Variants in PTGS1 observed in about 807,000 individuals in gnomAD.
The protein encoded by PTGS1 is prostaglandin G/H synthase 1.
A neutral mutation model predicts 63.0 loss-of-function variants in PTGS1; 40 were observed. That is an observed-to-expected ratio of 0.63 (90% CI 0.49 to 0.83). The LOEUF is 0.83. Ranked by LOEUF, PTGS1 falls within the 40% of genes least tolerant of loss-of-function variation. The pLI is 0.00. For synonymous variants in PTGS1, 298 were observed against 301.9 expected, an observed-to-expected ratio of 0.99 and a Z score of 0.13; for missense variants, 709 against 786.5, an observed-to-expected ratio of 0.90 and a Z score of 1.18.
chr9:122,394,966 C>T lies in PTGS1; in HGVS notation c.*2422C>T, dbSNP rs1411873422. ...TGAGTGACACAAGCACTTTAATGGC[C>T]TGGAGGGACTTTTAATCAGTGAAGA... On this transcript the variant is annotated 3_prime_UTR_variant, in exon 11 of 11. Coordinates refer to ENST00000362012, the MANE Select transcript of PTGS1 (RefSeq NM_000962.4). 1 of 152,136 alleles carries T rather than the reference C, an allele frequency of 6.6e-6. No individual in the cohort carries two copies. Among genetic ancestry groups the T allele is most frequent in the East Asian group, 1.9e-4 (1 of 5,182 alleles). 9.4% of individuals were successfully genotyped at this position (152,136 alleles called of 1,614,324 possible).
Position 122,371,170 on chromosome 9 carries a change from T to C in PTGS1, c.8-16T>C. The C allele has an allele frequency of 3.1e-6, 5 of 1,608,598 alleles. 1 individual carries two copies. Among genetic ancestry groups the C allele is most frequent in the South Asian group, 2.2e-5 (2 of 91,086 alleles). On this transcript the variant is annotated splice_polypyrimidine_tract_variant and intron_variant, in intron 1 of 10. Coordinates refer to ENST00000362012, the MANE Select transcript of PTGS1 (RefSeq NM_000962.4). Reference sequence around the variant, plus strand: ...CTTGAATGCCAGGCTCAGCCCCTCATCTCTCTCCTCTGCAGGGAGTCTCTT... The same window carrying C: ...CTTGAATGCCAGGCTCAGCCCCTCACCTCTCTCCTCTGCAGGGAGTCTCTT...
chr9:122,391,390 T>C (rs1371949648), intron 10 of PTGS1, among the ~76,000 whole-genome samples: 2 of 83,594 alleles, frequency 2.4e-5, no homozygotes, highest in Admixed American at 3.2e-4. Flanking sequence ...TATATACATA[T>C]ATATATACAT....
rs1394891105 is a variant in PTGS1 at position 122,394,486 on chromosome 9, CG to C, written c.*1943del. ...TTCCCTGCTCTTGCAGTTGCTCTGA[CG>C]TAGAAAGATCCTTCGGGTGCTGGAA... On this transcript the variant is annotated 3_prime_UTR_variant, in exon 11 of 11. Transcript: ENST00000362012. 3 of 152,240 alleles carry C rather than the reference CG, an allele frequency of 2.0e-5. No homozygotes were observed. The highest frequency in any genetic ancestry group is 4.4e-5 in the Non-Finnish European group (3 of 68,070). The allele number at this position is 152,240 out of a possible 1,614,324, so 9.4% of individuals were successfully genotyped here.
In PTGS1 at chr9:122,381,717, G is replaced by T; in HGVS notation, c.732G>T (p.Arg244=). ...ATCTGGAGCGTCAGTATCAACTGCG[G>T]CTCTTTAAGGATGGGAAACTCAAGT... is the stretch of plus-strand genomic sequence containing the variant. ...GDNLERQYQL[R]LFKDGKLKYQ... is the part of the protein sequence containing the mutation. Residue 244 remains arginine (R), a synonymous_variant, in exon 7 of 11, where the codon CGG becomes CGT. Transcript: ENST00000362012. 1 of 1,614,020 alleles carries T rather than the reference G, an allele frequency of 6.2e-7. No individual in the cohort carries two copies. Among genetic ancestry groups the T allele is most frequent in the Non-Finnish European group, 8.5e-7 (1 of 1,180,010 alleles).
chr9:122,387,790 C>T (rs1837963939), intron 9 of PTGS1, among the ~76,000 whole-genome samples: 1 of 152,226 alleles, frequency 6.6e-6, no homozygotes, highest in Admixed American at 6.5e-5. Flanking sequence ...AATTCCCAGC[C>T]AACGCCTTCC....
upstream of PTGS1, chr9:122,370,772 A>T (rs1588112405): frequency 3.5e-6 from 2 of 568,464 alleles, no homozygotes; most frequent in South Asian, 4.8e-5. Context: ...GCCCTGGGTG[A>T]CCTCAGCATT....
In PTGS1 at chr9:122,378,811, A is replaced by G; in HGVS notation, c.389A>G (p.Asn130Ser). ...SNLIPSPPTY[N>S]SAHDYISWES... is the part of the protein sequence containing the mutation. ...CTTATCCCCAGTCCCCCCACCTACA[A>G]CTCAGCACATGACTACATCAGCTGG... The change falls in exon 5 of 11, where the codon AAC becomes AGC. Residue 130 changes from asparagine to serine, a missense_variant. Asn to Ser is a conservative substitution (Grantham distance 46). Transcript: ENST00000362012. The G allele has an allele frequency of 1.9e-6, 3 of 1,614,178 alleles. No homozygotes were observed. The highest frequency in any genetic ancestry group is 2.5e-6 in the Non-Finnish European group (3 of 1,180,028).
chr9:122,378,977 T>C (rs1837354309), intron 5 of PTGS1, 59 bp downstream of exon 5: 1 of 1,594,812 alleles, frequency 6.3e-7, no homozygotes, highest in Non-Finnish European at 8.6e-7. Context: ...TTCTTCTCTT[T>C]GGGAAAAATC....
chr9:122,377,487 C>T (rs1009002661), intron 2 of PTGS1, among the ~76,000 whole-genome samples: 7 of 151,544 alleles, frequency 4.6e-5, no homozygotes, highest in Non-Finnish European at 7.4e-5. Flanking sequence ...CCCCCCGCCC[C>T]GGCCTGCTCT....
chr9:122,378,595 C>G (rs780535147), intron 4 of PTGS1, 22 bp downstream of exon 4: 2 of 1,614,102 alleles, frequency 1.2e-6, no homozygotes, highest in South Asian at 2.2e-5. Context: ...GCAGGGCCCC[C>G]TGACCTGGGG....
At chr9:122,382,860 G>T (rs1009081449) in intron 7 of PTGS1, among the ~76,000 whole-genome samples, 4 of 152,186 alleles carry the variant, frequency 2.6e-5, no homozygotes, top group Admixed American at 1.3e-4. Flanking sequence ...TTGGATGATG[G>T]GTAAAACTTC....
At chr9:122,385,641 G>T (rs9299282) in intron 8 of PTGS1, among the ~76,000 whole-genome samples, 33,147 of 151,782 alleles carry the variant, frequency 0.22, 4,867 homozygotes, top group African/African-American at 0.42. Flanking sequence ...TTAGGGCTAG[G>T]CTCCCCTTCT....
In PTGS1 at chr9:122,381,662, A is replaced by C; in HGVS notation, c.679-2A>C. 6.2e-7 allele frequency: 1 copy of C among 1,614,170 alleles called. No homozygotes were observed. Among genetic ancestry groups the C allele is most frequent in the Non-Finnish European group, 8.5e-7 (1 of 1,180,002 alleles). On this transcript the variant is annotated splice_acceptor_variant, in intron 6 of 10. Coordinates refer to ENST00000362012, the MANE Select transcript of PTGS1 (RefSeq NM_000962.4). LOFTEE classifies it high-confidence loss of function. ...CCTGAGGGAACCCCTCTCTGTCCACAGGTAGACCTCGGCCACATTTATGGA... is the reference window on the plus strand; with the variant it reads ...CCTGAGGGAACCCCTCTCTGTCCACCGGTAGACCTCGGCCACATTTATGGA...
At chr9:122,391,645 G>A (rs1020035984) in intron 10 of PTGS1, among the ~76,000 whole-genome samples, 1 of 151,608 alleles carries the variant, frequency 6.6e-6, no homozygotes, top group Non-Finnish European at 1.5e-5. Flanking sequence ...GCAGAGTGGA[G>A]CAGATTCTGT....
intron 10 of PTGS1, 70 bp from the exon 11 acceptor site, chr9:122,392,119 G>C (rs1166283153): frequency 1.4e-6 from 2 of 1,380,918 alleles, no homozygotes; most frequent in South Asian, 1.5e-5. Context: ...GACCTGGAAG[G>C]GTCCCGCCCC....
chr9:122,371,623 G>C, intron 2 of PTGS1: 1 of 1,431,068 alleles, frequency 7.0e-7, no homozygotes, highest in Non-Finnish European at 9.1e-7. Flanking sequence ...GGGCCTCTTT[G>C]GGAGGAAGCC....
rs200812809 is a variant in PTGS1 at position 122,394,490 on chromosome 9, G to A, written c.*1946G>A. 3 of 152,206 alleles carry A rather than the reference G, an allele frequency of 2.0e-5. No individual in the cohort carries two copies. Among genetic ancestry groups the A allele is most frequent in the Non-Finnish European group, 4.4e-5 (3 of 68,046 alleles). 9.4% of individuals were successfully genotyped at this position (152,206 alleles called of 1,614,324 possible). On this transcript the variant is annotated 3_prime_UTR_variant, in exon 11 of 11. Transcript: ENST00000362012. ...CTGCTCTTGCAGTTGCTCTGACGTA[G>A]AAAGATCCTTCGGGTGCTGGAAGTC...
intron 2 of PTGS1, among the ~76,000 whole-genome samples, chr9:122,374,798 G>C (rs970393505): frequency 3.3e-5 from 5 of 152,128 alleles, no homozygotes; most frequent in Non-Finnish European, 7.4e-5. Context: ...GCATCAAAGC[G>C]ACTCTCCCTT....
chr9:122,383,433 G>T, intron 7 of PTGS1, 76 bp from the exon 8 acceptor site: 1 of 1,528,638 alleles, frequency 6.5e-7, no homozygotes, highest in South Asian at 1.3e-5. Context: ...GCTGGAGGCA[G>T]GAGTGGGAGG....
Sources: allele counts gnomAD v4.1 joint callset (sites outside exome capture counted in the v4.1 genomes callset), GRCh38; gene constraint gnomAD v4.1.1; transcripts MANE v1.5; gene names NCBI Gene and HGNC (gene_info 2026-07-23, HGNC 2026-07-21).